The following MYO16 variants were observed in gnomAD, a reference collection of about 807,000 sequenced individuals.
MYO16 encodes the protein unconventional myosin-XVI.
MYO16 carries 94 observed loss-of-function variants against 205.3 expected under a neutral mutation model. The observed-to-expected ratio is 0.46, with a 90% CI of 0.39 to 0.54. The LOEUF is 0.54. Among genes scored for constraint, MYO16 ranks in the 20% least tolerant of loss-of-function variants. The pLI, the probability that MYO16 is intolerant of heterozygous loss-of-function variation, is 0.00. For synonymous variants in MYO16, 988 were observed against 954.0 expected (o/e 1.04, Z -0.66); for missense variants, 2,315 against 2,387.5 (o/e 0.97, Z 0.63).
intron 2 of MYO16, among the ~76,000 whole-genome samples, chr13:108,667,316 T>C (rs79294178): frequency 1.6e-4 from 18 of 114,510 alleles, no homozygotes; most frequent in Admixed American, 5.6e-4. Flanking sequence ...AGAATTTCTG[T>C]TTTGTTTTTT....
intron 27 of MYO16, among the ~76,000 whole-genome samples, chr13:109,099,451 A>G (rs1033829321): frequency 2.0e-5 from 3 of 152,196 alleles, no homozygotes; most frequent in African/African-American, 7.2e-5. Flanking sequence ...TTACATTTAC[A>G]CTGACCTAAT....
At chr13:108,768,843 C>T (rs1008788861) in intron 4 of MYO16, among the ~76,000 whole-genome samples, 3 of 151,976 alleles carry the variant, frequency 2.0e-5, no homozygotes, top group Non-Finnish European at 4.4e-5. Flanking sequence ...TAGTAACAAG[C>T]ACAACCCTAA....
chr13:108,572,654 C>T, the MYO16 span, among the ~76,000 whole-genome samples: 3 of 152,082 alleles, frequency 2.0e-5, no homozygotes, highest in African/African-American at 4.8e-5. Context: ...ATGTCAAGTT[C>T]CTTTATCGTT....
intron 12 of MYO16, among the ~76,000 whole-genome samples, chr13:108,878,398 C>T (rs1346123980): frequency 1.3e-5 from 2 of 152,104 alleles, no homozygotes. Flanking sequence ...AGGAGATAGG[C>T]CACTGGATGG....
At chr13:108,683,599 G>T (rs1474520955) in intron 2 of MYO16, among the ~76,000 whole-genome samples, 1 of 152,132 alleles carries the variant, frequency 6.6e-6, no homozygotes, top group African/African-American at 2.4e-5. Flanking sequence ...AGCCATTTTT[G>T]AATACCCTGG....
At chr13:108,669,202 A>G (rs937817095) in intron 2 of MYO16, among the ~76,000 whole-genome samples, 2 of 152,124 alleles carry the variant, frequency 1.3e-5, no homozygotes, top group African/African-American at 4.8e-5. Flanking sequence ...ATGACCAGGA[A>G]GAAAGGATGA....
At chr13:109,023,192 T>C (rs1410721193) in intron 23 of MYO16, among the ~76,000 whole-genome samples, 1 of 125,906 alleles carries the variant, frequency 7.9e-6, no homozygotes, top group African/African-American at 3.0e-5. Flanking sequence ...ATTTATATAT[T>C]ATATATGAAT....
chr13:108,504,539 T>C, the MYO16 span, among the ~76,000 whole-genome samples: 8 of 151,902 alleles, frequency 5.3e-5, no homozygotes, highest in African/African-American at 1.9e-4. Context: ...TCTCTCTCTT[T>C]CCTTTTTTTA....
At chr13:108,639,510 G>A (rs767732527) in intron 1 of MYO16, among the ~76,000 whole-genome samples, 6 of 152,096 alleles carry the variant, frequency 3.9e-5, no homozygotes, top group Non-Finnish European at 7.4e-5. Flanking sequence ...AACCTGCACT[G>A]TCCAGACTGA....
chr13:108,911,330 A>G (rs1360683164), intron 16 of MYO16, among the ~76,000 whole-genome samples: 1 of 152,160 alleles, frequency 6.6e-6, no homozygotes, highest in Non-Finnish European at 1.5e-5. Context: ...TGATATGATG[A>G]AAAATAAATG....
At chr13:108,679,017 C>T (rs1351857581) in intron 2 of MYO16, among the ~76,000 whole-genome samples, 5 of 152,162 alleles carry the variant, frequency 3.3e-5, no homozygotes, top group Non-Finnish European at 7.4e-5. Context: ...TTTATAAAAG[C>T]ATGAATCCCA....
chr13:108,935,313 T>G (rs1882429925), intron 16 of MYO16, among the ~76,000 whole-genome samples: 1 of 152,190 alleles, frequency 6.6e-6, no homozygotes, highest in Non-Finnish European at 1.5e-5. Context: ...TGTTTTGTAG[T>G]TACCCTTGGA....
chr13:109,192,719 C>T (rs1221297379), intron 34 of MYO16, among the ~76,000 whole-genome samples: 1 of 152,126 alleles, frequency 6.6e-6, no homozygotes, highest in Non-Finnish European at 1.5e-5. Flanking sequence ...CTCCAAGACT[C>T]AGAATCCTCC....
chr13:108,840,765 G>C (rs1265688786), intron 9 of MYO16, among the ~76,000 whole-genome samples: 4 of 152,084 alleles, frequency 2.6e-5, no homozygotes, highest in Non-Finnish European at 5.9e-5. Context: ...CAGTCTCCTA[G>C]ACTTAAGCAA....
chr13:109,087,276 A>G (rs1888462031), intron 27 of MYO16, among the ~76,000 whole-genome samples: 1 of 152,242 alleles, frequency 6.6e-6, no homozygotes, highest in African/African-American at 2.4e-5. Flanking sequence ...GTAGATTCAT[A>G]TGGTAGTGAG....
chr13:109,111,676 C>A (rs1402330166), intron 28 of MYO16, among the ~76,000 whole-genome samples: 1 of 151,414 alleles, frequency 6.6e-6, no homozygotes, highest in African/African-American at 2.4e-5. Flanking sequence ...ATAAAATATT[C>A]CAATGATTGT....
chr13:108,499,417 G>C, the MYO16 span, among the ~76,000 whole-genome samples: 1 of 152,180 alleles, frequency 6.6e-6, no homozygotes, highest in African/African-American at 2.4e-5. Flanking sequence ...TCAGAATCTG[G>C]GGCTGGGACC....
the MYO16 span, among the ~76,000 whole-genome samples, chr13:108,502,955 A>G: frequency 6.6e-6 from 1 of 152,218 alleles, no homozygotes; most frequent in African/African-American, 2.4e-5. Context: ...ACTTAGTAGA[A>G]CAGAATACTG....
the MYO16 span, among the ~76,000 whole-genome samples, chr13:108,498,140 T>G: frequency 6.6e-6 from 1 of 152,200 alleles, no homozygotes. Context: ...CTGTGCTCAG[T>G]TGAGCACCTC....
Sources: gnomAD v4.1 joint callset for allele counts (sites outside exome capture counted in the v4.1 genomes callset) on GRCh38, gnomAD v4.1.1 for gene constraint, MANE v1.5 for transcripts, NCBI Gene and HGNC (gene_info 2026-07-23, HGNC 2026-07-21) for gene names.